HEATR4: variants seen among roughly 807,000 people sequenced by gnomAD.
HEATR4 encodes the protein HEAT repeat containing 4.
In HEATR4, 95 loss-of-function variants were observed where a neutral mutation model predicts 108.8. That is an observed-to-expected ratio of 0.87 (90% CI 0.74 to 1.04). HEATR4 has a LOEUF of 1.04. Ranked by LOEUF, HEATR4 falls within the 50% of genes least tolerant of loss-of-function variation. The pLI is 0.00. For missense variants in HEATR4, 1,152 were observed against 1,253.8 expected (o/e 0.92, Z 1.23); for synonymous variants, 443 against 459.4 (o/e 0.96, Z 0.46).
chr14:73,589,415 G>A, the HEATR4 span, among the ~76,000 whole-genome samples: 2 of 152,198 alleles, frequency 1.3e-5, no homozygotes, highest in African/African-American at 4.8e-5. Flanking sequence ...TGCCTGCCAG[G>A]TTCAAGCAAT....
chr14:73,562,354 C>G (rs1233794025), upstream of HEATR4, among the ~76,000 whole-genome samples: 4 of 152,182 alleles, frequency 2.6e-5, no homozygotes, highest in African/African-American at 9.6e-5. Context: ...TGTTCGTAAG[C>G]TGAGGATGTA....
the HEATR4 span, among the ~76,000 whole-genome samples, chr14:73,633,076 C>CT: frequency 6.8e-6 from 1 of 147,298 alleles, no homozygotes; most frequent in Non-Finnish European, 1.5e-5. Context: ...ACAATATCGG[C>CT]TCACTGCAGC....
chr14:73,584,852 A>C, the HEATR4 span, among the ~76,000 whole-genome samples: 2 of 149,568 alleles, frequency 1.3e-5, no homozygotes, highest in African/African-American at 2.4e-5. Context: ...TGTCCCAACC[A>C]ATGTCAACCC....
At chr14:73,629,821 ATT>A in the HEATR4 span, among the ~76,000 whole-genome samples, 2 of 151,204 alleles carry the variant, frequency 1.3e-5, no homozygotes, top group South Asian at 4.2e-4. Context: ...ATTTTTTTGT[ATT>A]TTTTTAGTAG....
chr14:73,515,142 A>C (rs1887514642), intron 5 of HEATR4, among the ~76,000 whole-genome samples: 2 of 152,266 alleles, frequency 1.3e-5, no homozygotes, highest in Admixed American at 1.3e-4. Context: ...CAAATTTAGA[A>C]AGCCTCTTTC....
chr14:73,525,769 A>G (rs1888288140), intron 2 of HEATR4, among the ~76,000 whole-genome samples: 1 of 152,126 alleles, frequency 6.6e-6, no homozygotes. Context: ...CCTGGCCAAC[A>G]TGGAGAAACC....
At chr14:73,513,728 C>CAAAA (rs747778891) in intron 6 of HEATR4, among the ~76,000 whole-genome samples, 596 of 46,768 alleles carry the variant, frequency 0.013, 90 homozygotes, top group Admixed American at 0.021. Flanking sequence ...ACTACGTCTC[C>CAAAA]AAAAAAAAAA....
At chr14:73,490,481 GT>G (rs1214088970) in intron 17 of HEATR4, among the ~76,000 whole-genome samples, 1 of 152,100 alleles carries the variant, frequency 6.6e-6, no homozygotes, top group Non-Finnish European at 1.5e-5. Flanking sequence ...CGTCCGGCTA[GT>G]TTTTTGTATT....
intron 10 of HEATR4, among the ~76,000 whole-genome samples, chr14:73,504,871 C>T (rs1357816032): frequency 1.3e-5 from 2 of 151,972 alleles, no homozygotes; most frequent in Admixed American, 6.6e-5. Flanking sequence ...ATGGCAAAAA[C>T]GAAGTGTTGC....
In HEATR4 at chr14:73,535,462, CTTCTTTCTTTTTTTTTT is replaced by C. The variant is rs1888825980; in HGVS notation, c.-151-5235_-151-5219del. Among the ~76,000 whole-genome samples the C allele has an allele frequency of 2.7e-4, 16 of 59,328 alleles. 5 individuals carry two copies. Among genetic ancestry groups the C allele is most frequent in the African/African-American group, 6.9e-4 (16 of 23,332 alleles). The allele number at this position is 59,328 out of a possible 152,430, so 38.9% of individuals were successfully genotyped here. On this transcript the variant is annotated intron_variant, in intron 1 of 17. Transcript: ENST00000553558. Reference sequence around the variant, plus strand: ...CCCTCTCCCTTTTTCTTTTCTTTTTCTTCTTTCTTTTTTTTTTTTTTTTTTTTTTTTTTTTTTTTTTT... The same window carrying C: ...CCCTCTCCCTTTTTCTTTTCTTTTTCTTTTTTTTTTTTTTTTTTTTTTTTT...
intron 2 of HEATR4, among the ~76,000 whole-genome samples, chr14:73,524,738 C>T (rs1305040405): frequency 6.6e-6 from 1 of 151,304 alleles, no homozygotes; most frequent in African/African-American, 2.4e-5. Flanking sequence ...CACTCCCTAC[C>T]ACTCACTTTG....
the HEATR4 span, among the ~76,000 whole-genome samples, chr14:73,633,339 T>G: frequency 6.6e-6 from 1 of 152,066 alleles, no homozygotes; most frequent in East Asian, 1.9e-4. Context: ...AAAGCAAAAT[T>G]TATGCTCCCT....
the HEATR4 span, chr14:73,574,398 G>A: frequency 1.9e-4 from 39 of 203,478 alleles, 1 homozygote; most frequent in Admixed American, 5.3e-4. Flanking sequence ...CCACGTAGCT[G>A]TGACTACAGG....
At chr14:73,481,896 G>A (rs1010999104) in intron 17 of HEATR4, among the ~76,000 whole-genome samples, 2 of 152,116 alleles carry the variant, frequency 1.3e-5, no homozygotes, top group East Asian at 3.8e-4. Context: ...TACTCGGGAG[G>A]CTGAGGTGGG....
chr14:73,534,072 AC>A (rs1888790920), intron 1 of HEATR4, among the ~76,000 whole-genome samples: 1 of 110,602 alleles, frequency 9.0e-6, no homozygotes, highest in Non-Finnish European at 2.0e-5. Context: ...ACAGAGCAAG[AC>A]CTAGTCTCTA....
the HEATR4 span, among the ~76,000 whole-genome samples, chr14:73,624,625 C>A: frequency 0.77 from 116,146 of 151,384 alleles, 44,827 homozygotes; most frequent in East Asian, 0.95. Context: ...ACAAAAAAAA[C>A]CCTCTTTTTA....
At chr14:73,494,343 G>A (rs1885971709) in intron 16 of HEATR4, among the ~76,000 whole-genome samples, 1 of 152,066 alleles carries the variant, frequency 6.6e-6, no homozygotes, top group Non-Finnish European at 1.5e-5. Flanking sequence ...AGTATATTTT[G>A]GTACAGTTTG....
chr14:73,501,579 T>TTC (rs2140263161), intron 11 of HEATR4, among the ~76,000 whole-genome samples: 1 of 147,346 alleles, frequency 6.8e-6, no homozygotes, highest in African/African-American at 2.5e-5. Context: ...CTTTTTTTTT[T>TTC]TTTTTTTTTT....
Position 73,522,795 on chromosome 14 carries a change from T to A in HEATR4, c.358A>T (p.Lys120Ter). ...AAGGGACTTGAGGAACCCAGGAACTTGAAGCTAACAGGTTTCTGAGGCCGG... is the reference window on the plus strand; with the variant it reads ...AAGGGACTTGAGGAACCCAGGAACTAGAAGCTAACAGGTTTCTGAGGCCGG... ...KARPQKPVSFKFLGSSSPLTG... is the reference protein window; with the variant it reads ...KARPQKPVSF Residue 120 changes from lysine to a stop codon, truncating the protein, a stop_gained, in exon 3 of 18, where the codon AAG (lysine) becomes TAG (stop). Transcript: ENST00000553558. LOFTEE classifies it high-confidence loss of function. 1 of 1,614,140 alleles carries A rather than the reference T, an allele frequency of 6.2e-7. No homozygotes were observed. Among genetic ancestry groups the A allele is most frequent in the Non-Finnish European group, 8.5e-7 (1 of 1,180,010 alleles).
Sources: gnomAD v4.1 joint callset for allele counts (sites outside exome capture counted in the v4.1 genomes callset) on GRCh38, gnomAD v4.1.1 for gene constraint, MANE v1.5 for transcripts, NCBI Gene and HGNC (gene_info 2026-07-23, HGNC 2026-07-21) for gene names.